The following VPS35L variants were observed in gnomAD, a reference collection of about 807,000 sequenced individuals.
VPS35L encodes the protein VPS35 endosomal protein-sorting factor-like.
Under a neutral mutation model 133.0 loss-of-function variants are expected in VPS35L, and 83 were observed. The observed-to-expected ratio is 0.62, with a 90% CI of 0.52 to 0.75. VPS35L has a LOEUF of 0.75. VPS35L is among the 30% of genes least tolerant of loss of function. The probability of loss-of-function intolerance (pLI) is 0.00; values close to 1 mark genes in which losing one functional copy is unlikely to be tolerated. For synonymous variants in VPS35L, 423 were observed against 449.9 expected (o/e 0.94, Z 0.76); for missense variants, 1,083 against 1,206.8 (o/e 0.90, Z 1.52).
chr16:19,599,998 G>A (rs1385828533), intron 8 of VPS35L, among the ~76,000 whole-genome samples: 2 of 152,238 alleles, frequency 1.3e-5, no homozygotes, highest in Middle Eastern at 3.4e-3. Flanking sequence ...CTGTGATCAC[G>A]CCACTGCACT....
intron 29 of VPS35L, among the ~76,000 whole-genome samples, chr16:19,697,594 G>A (rs544465171): frequency 3.9e-5 from 6 of 152,072 alleles, no homozygotes; most frequent in South Asian, 2.1e-4. Context: ...GCTCGCAGGC[G>A]CCATGTGAAT....
intron 28 of VPS35L, among the ~76,000 whole-genome samples, chr16:19,690,376 T>A (rs962800537): frequency 2.0e-5 from 3 of 152,212 alleles, no homozygotes; most frequent in African/African-American, 7.2e-5. Flanking sequence ...AGGCTGTCCT[T>A]GGCTGGGCCT....
chr16:19,662,195 C>G (rs2151597504), intron 26 of VPS35L, among the ~76,000 whole-genome samples: 1 of 151,940 alleles, frequency 6.6e-6, no homozygotes, highest in South Asian at 2.1e-4. Flanking sequence ...AGAGCAAGGC[C>G]CTGTCTCAAA....
At chr16:19,603,236 G>C (rs1318976473) in intron 9 of VPS35L, among the ~76,000 whole-genome samples, 1 of 152,100 alleles carries the variant, frequency 6.6e-6, no homozygotes, top group Non-Finnish European at 1.5e-5. Flanking sequence ...CTTGCCCAGG[G>C]CCCTGCCACC....
chr16:19,655,791 G>T (rs1221133797), intron 26 of VPS35L, among the ~76,000 whole-genome samples: 2 of 152,146 alleles, frequency 1.3e-5, no homozygotes, highest in African/African-American at 4.8e-5. Flanking sequence ...TTCTTAACTG[G>T]AGATGGCCTA....
rs928007712 is a variant in VPS35L, at chr16:19,677,699, G to A, written c.2362-4526G>A. Among the ~76,000 whole-genome samples, 6 of 152,306 alleles carry A rather than the reference G, an allele frequency of 3.9e-5. No individual in the cohort carries two copies. In the East Asian group the frequency reaches 9.7e-4, roughly 25 times the overall value. ...GAGACAGACAGGACTGAGAGAAACA[G>A]CAAGCTGGTCTCTGACAGCTTCCCG... On this transcript the variant is annotated intron_variant, in intron 27 of 30. Transcript: ENST00000417362.
At position 19,699,571 on chromosome 16, in the gene VPS35L, A is replaced by C; in HGVS notation, c.2716A>C (p.Asn906His). 1 of 1,614,100 alleles carries C rather than the reference A, an allele frequency of 6.2e-7. No homozygotes were observed. Among genetic ancestry groups the C allele is most frequent in the Non-Finnish European group, 8.5e-7 (1 of 1,179,980 alleles). ...CATCTTGGCCCATGGGGACCTACGC[A>C]ACAACAAGCTCAACCAGCTCTCCGT... ...NSILAHGDLR[N>H]NKLNQLSVNL... The change falls in exon 30 of 31, where the codon AAC becomes CAC. Residue 906 changes from asparagine to histidine, a missense_variant. Asn to His is a moderately conservative substitution (Grantham distance 68). Coordinates refer to ENST00000417362, the MANE Select transcript of VPS35L (RefSeq NM_020314.7). The surrounding 1 kb of genome is among the most constrained non-coding windows in gnomAD (Gnocchi z 4.2).
At chr16:19,568,705 G>C (rs1257419511) in intron 2 of VPS35L, among the ~76,000 whole-genome samples, 2 of 152,116 alleles carry the variant, frequency 1.3e-5, no homozygotes, top group African/African-American at 4.8e-5. Flanking sequence ...GAGTGCAGTG[G>C]TGCGATCTCG....
chr16:19,586,189 T>C (rs2151522185), intron 7 of VPS35L, among the ~76,000 whole-genome samples: 2 of 151,076 alleles, frequency 1.3e-5, no homozygotes, highest in South Asian at 2.1e-4. Flanking sequence ...CATGAGCCAG[T>C]GCACCTGGCC....
At position 19,666,333 on chromosome 16, in the gene VPS35L, C is replaced by T. The variant is rs543134056; in HGVS notation, c.2222-2827C>T. Among the ~76,000 whole-genome samples the T allele has an allele frequency of 7.2e-5, 11 of 152,130 alleles. No homozygotes were observed. The East Asian group carries it at 2.1e-3, about 29-fold the overall frequency. On this transcript the variant is annotated intron_variant, in intron 26 of 30. Coordinates refer to ENST00000417362, the MANE Select transcript of VPS35L (RefSeq NM_020314.7). ...ATCCGTTATATCTTAAATGAGCTTC[C>T]ATAGCTCTTAATAGCTACAAAACAA...
At chr16:19,691,231 T>C (rs1975668836) in intron 28 of VPS35L, 122 bp from the exon 29 acceptor site, 1 of 764,592 alleles carries the variant, frequency 1.3e-6, no homozygotes, top group Non-Finnish European at 2.3e-6. Flanking sequence ...GCCACTTCCA[T>C]GTGCCCTGCC....
chr16:19,681,396 C>T lies in VPS35L; in HGVS notation c.2362-829C>T, dbSNP rs534927887. Among the ~76,000 whole-genome samples the T allele has an allele frequency of 1.2e-4, 18 of 152,306 alleles. No homozygotes were observed. In the South Asian group the frequency reaches 2.5e-3, roughly 21 times the overall value. ...GTTCCAATCATGCTGTTCCCCCTGC[C>T]GCTGCGGGTTCCAATCGTGCTGTTC... On this transcript the variant is annotated intron_variant, in intron 27 of 30. Transcript: ENST00000417362.
intron 14 of VPS35L, chr16:19,617,353 G>A (rs1166904423): frequency 5.8e-6 from 1 of 171,954 alleles, no homozygotes; most frequent in African/African-American, 2.4e-5. Flanking sequence ...GCAAGACACT[G>A]TCTCATTAAA....
intron 14 of VPS35L, among the ~76,000 whole-genome samples, chr16:19,624,559 T>G (rs766799475): frequency 1.3e-5 from 2 of 151,950 alleles, no homozygotes; most frequent in Non-Finnish European, 2.9e-5. Context: ...CACTCCAGCC[T>G]GGGCAACAGA....
intron 6 of VPS35L, 39 bp from the exon 7 acceptor site, chr16:19,581,486 T>C: frequency 6.6e-7 from 1 of 1,505,652 alleles, no homozygotes; most frequent in Non-Finnish European, 8.9e-7. Context: ...GAGCAATGTT[T>C]TTCCTGCTAT....
chr16:19,569,597 G>A lies in VPS35L; in HGVS notation c.285+6G>A, dbSNP rs1971297937. ...CAGCCTTGGCAGCTGCCATGGTAAT[G>A]CACCCCAGCCATGGTCGTCCAGTGG... On this transcript the variant is annotated splice_donor_region_variant and intron_variant, in intron 3 of 30. Coordinates refer to ENST00000417362, the MANE Select transcript of VPS35L (RefSeq NM_020314.7). The A allele has an allele frequency of 1.3e-6, 2 of 1,533,994 alleles. No individual in the cohort carries two copies. Among genetic ancestry groups the A allele is most frequent in the Non-Finnish European group, 1.8e-6 (2 of 1,141,844 alleles).
At chr16:19,640,544 G>C (rs67415302) in intron 21 of VPS35L, among the ~76,000 whole-genome samples, 2 of 152,016 alleles carry the variant, frequency 1.3e-5, no homozygotes, top group Non-Finnish European at 2.9e-5. Flanking sequence ...AGAAGGCACC[G>C]GTGCTAGAAA....
At chr16:19,616,388 A>C (rs557503012) in intron 13 of VPS35L, among the ~76,000 whole-genome samples, 197 bp downstream of exon 13, 1 of 152,152 alleles carries the variant, frequency 6.6e-6, no homozygotes, top group Non-Finnish European at 1.5e-5. Flanking sequence ...GTTAATATGC[A>C]TGTGTTAACA....
chr16:19,617,045 A>C lies in VPS35L; in HGVS notation c.1224+237A>C. On this transcript the variant is annotated intron_variant, in intron 14 of 30. Coordinates refer to ENST00000417362, the MANE Select transcript of VPS35L (RefSeq NM_020314.7). ...TGGTAGCTCCAGAGGCCATGTACCTAAGTGAGGCCACACAGCTAGAAAGCA... is the reference window on the plus strand; with the variant it reads ...TGGTAGCTCCAGAGGCCATGTACCTCAGTGAGGCCACACAGCTAGAAAGCA... 5 of 646,678 alleles carry C rather than the reference A, an allele frequency of 7.7e-6. No individual in the cohort carries two copies. The East Asian group carries it at 1.4e-4, about 18-fold the overall frequency. The allele number at this position is 646,678 out of a possible 1,614,324, so 40.1% of individuals were successfully genotyped here.
Sources: allele counts gnomAD v4.1 joint callset (sites outside exome capture counted in the v4.1 genomes callset), GRCh38; gene constraint gnomAD v4.1.1; non-coding constraint Gnocchi (gnomAD v3.1); transcripts MANE v1.5; gene names NCBI Gene and HGNC (gene_info 2026-07-23, HGNC 2026-07-21).